Variants in RFTN2 observed in about 807,000 individuals in gnomAD.
The protein encoded by RFTN2 is raftlin family member 2, also known as raftlin-2.
A neutral mutation model predicts 52.7 loss-of-function variants in RFTN2; 34 were observed. The observed-to-expected ratio is 0.64, with a 90% CI of 0.49 to 0.86. RFTN2 has a LOEUF of 0.86. Ranked by LOEUF, RFTN2 falls within the 40% of genes least tolerant of loss-of-function variation. The pLI, the probability that RFTN2 is intolerant of heterozygous loss-of-function variation, is 0.00. For synonymous variants in RFTN2, 203 were observed against 217.7 expected (o/e 0.93, Z 0.59); for missense variants, 536 against 600.1 (o/e 0.89, Z 1.12).
rs187504475 is a variant in RFTN2, at chr2:197,587,625, A to T, written c.1233+8366T>A. Among the ~76,000 whole-genome samples the T allele has an allele frequency of 4.7e-3, 709 of 151,112 alleles. 6 individuals carry two copies. The highest frequency in any genetic ancestry group is 6.4e-3 in the Non-Finnish European group (431 of 67,838). On this transcript the variant is annotated intron_variant, in intron 8 of 8. Coordinates refer to ENST00000295049, the MANE Select transcript of RFTN2 (RefSeq NM_144629.3). ...GCCCTACCCCTTTCTCCCTTCGCTG[A>T]CTCTCTTTTTGGACTCAGCCCGCCT...
intron 4 of RFTN2, 21 bp from the exon 5 acceptor site, chr2:197,631,241 A>AAAAGGGG (rs756351387): frequency 6.5e-7 from 1 of 1,529,828 alleles, no homozygotes; most frequent in South Asian, 1.2e-5. Context: ...AGAAGGAGAA[A>AAAAGGGG]AAAGGGGAAA....
At chr2:197,675,161 A>C (rs1037531387) in intron 1 of RFTN2, among the ~76,000 whole-genome samples, 159 bp downstream of exon 1, 16 of 152,224 alleles carry the variant, frequency 1.1e-4, no homozygotes, top group Non-Finnish European at 2.1e-4. Context: ...TCAACAAAAC[A>C]AAAATCTTAC....
chr2:197,631,125 T>C lies in RFTN2; in HGVS notation c.814A>G (p.Arg272Gly), dbSNP rs1351739124. Residue 272 changes from arginine to glycine, a missense_variant, in exon 5 of 9, where the codon AGA becomes GGA. Transcript: ENST00000295049. The part of the protein sequence containing the change: ...QEGILSMKVT[R>G]KGSVISTLDA... Reference sequence around the variant, plus strand: ...AGTGTACTAATGACTGATCCTTTTCTTGTTACTTTCATTGACAGGATGCCT... The same window carrying C: ...AGTGTACTAATGACTGATCCTTTTCCTGTTACTTTCATTGACAGGATGCCT... 1.2e-6 allele frequency: 2 copies of C among 1,613,422 alleles called. No individual in the cohort carries two copies. Among genetic ancestry groups the C allele is most frequent in the Non-Finnish European group, 1.7e-6 (2 of 1,179,440 alleles).
intron 5 of RFTN2, among the ~76,000 whole-genome samples, chr2:197,623,563 C>G: frequency 6.6e-6 from 1 of 152,200 alleles, no homozygotes; most frequent in Non-Finnish European, 1.5e-5. Flanking sequence ...ACTGCAACCT[C>G]CACTTCCCAG....
At chr2:197,590,680 C>T (rs917232941) in intron 8 of RFTN2, among the ~76,000 whole-genome samples, 2 of 152,136 alleles carry the variant, frequency 1.3e-5, no homozygotes, top group Admixed American at 6.5e-5. Context: ...TTCGGAGTTT[C>T]TTCCTTCTGG....
At chr2:197,609,203 C>T (rs561938554) in intron 7 of RFTN2, among the ~76,000 whole-genome samples, 2 of 152,276 alleles carry the variant, frequency 1.3e-5, no homozygotes, top group East Asian at 1.9e-4. Context: ...CTTGAGGAAT[C>T]GCCACACTGT....
chr2:197,671,089 A>C (rs989483925), intron 1 of RFTN2, among the ~76,000 whole-genome samples: 1 of 151,706 alleles, frequency 6.6e-6, no homozygotes, highest in Non-Finnish European at 1.5e-5. Flanking sequence ...TTCTTAAAAC[A>C]CTCTTCTGCA....
chr2:197,627,656 T>C (rs1475508270), intron 5 of RFTN2, among the ~76,000 whole-genome samples: 2 of 152,154 alleles, frequency 1.3e-5, no homozygotes, highest in Admixed American at 6.6e-5. Flanking sequence ...AGATGTGGTA[T>C]CCTAAGGTGG....
intron 5 of RFTN2, among the ~76,000 whole-genome samples, chr2:197,619,469 G>A (rs1012984173): frequency 6.6e-6 from 1 of 152,004 alleles, no homozygotes; most frequent in African/African-American, 2.4e-5. Flanking sequence ...TCTGAAACAT[G>A]TGCTGTATCC....
chr2:197,603,015 T>C (rs990622921), intron 7 of RFTN2, among the ~76,000 whole-genome samples: 11 of 152,110 alleles, frequency 7.2e-5, no homozygotes, highest in African/African-American at 2.2e-4. Context: ...TAGGTGGGAA[T>C]TGAACAATAA....
At chr2:197,630,568 CAA>C (rs1356811134) in intron 5 of RFTN2, among the ~76,000 whole-genome samples, 1 of 152,062 alleles carries the variant, frequency 6.6e-6, no homozygotes, top group African/African-American at 2.4e-5. Flanking sequence ...CTTTCTAAAC[CAA>C]AGATGATTTT....
At chr2:197,631,558 T>A (rs897392446) in intron 4 of RFTN2, among the ~76,000 whole-genome samples, 5 of 152,214 alleles carry the variant, frequency 3.3e-5, no homozygotes, top group Non-Finnish European at 7.3e-5. Context: ...AAAATTTTTT[T>A]AAAAATGGTA....
Position 197,572,015 on chromosome 2 carries a change from C to A in RFTN2, c.1499G>T (p.Cys500Phe), listed in dbSNP as rs779898267. 1.1e-5 allele frequency: 18 copies of A among 1,613,898 alleles called. No individual in the cohort carries two copies. Among genetic ancestry groups the A allele is most frequent in the East Asian group, 2.2e-5 (1 of 44,906 alleles). Residue 500 changes from cysteine (C) to phenylalanine (F), a missense_variant, in exon 9 of 9, where the codon TGT (cysteine) becomes TTT (phenylalanine). Physicochemically the swap from Cys to Phe is radical, Grantham distance 205. Coordinates refer to ENST00000295049, the MANE Select transcript of RFTN2 (RefSeq NM_144629.3). The stretch of plus-strand genomic sequence containing the variant: ...TTTGCTTCACCTCATGGCTCACATA[C>A]AAGTGACCTGAGTCACTCCATCTTC... ...DQEDGVTQVTCM is the reference protein window; with the variant it reads ...DQEDGVTQVTFM
Position 197,571,034 on chromosome 2 carries a change from A to G in RFTN2, c.*974T>C, listed in dbSNP as rs2087309112. The G allele has an allele frequency of 6.6e-6, 1 of 152,350 alleles. No homozygotes were observed. Among genetic ancestry groups the G allele is most frequent in the South Asian group, 2.1e-4 (1 of 4,836 alleles). The allele number at this position is 152,350 out of a possible 1,614,324, so 9.4% of individuals were successfully genotyped here. A position where few individuals can be genotyped will look rare whatever the true frequency, so the allele number is the denominator to read the frequency against. Reference sequence around the variant, plus strand: ...CCACCTCTATTAGAAGGGGAAAGAAAAGCAAGATGAAACAAAATATGTTAT... The same window carrying G: ...CCACCTCTATTAGAAGGGGAAAGAAGAGCAAGATGAAACAAAATATGTTAT... On this transcript the variant is annotated 3_prime_UTR_variant, in exon 9 of 9. Coordinates refer to ENST00000295049, the MANE Select transcript of RFTN2 (RefSeq NM_144629.3).
intron 8 of RFTN2, among the ~76,000 whole-genome samples, chr2:197,574,779 G>T (rs1021027912): frequency 6.6e-6 from 1 of 152,080 alleles, no homozygotes; most frequent in Non-Finnish European, 1.5e-5. Context: ...GAAGCAGGAG[G>T]ATCACTTGAA....
At chr2:197,586,953 C>G (rs565867110) in intron 8 of RFTN2, among the ~76,000 whole-genome samples, 1 of 152,310 alleles carries the variant, frequency 6.6e-6, no homozygotes, top group East Asian at 1.9e-4. Context: ...CCAAAACTCT[C>G]CAACCAAGCA....
chr2:197,580,682 A>G (rs2087491038), intron 8 of RFTN2, among the ~76,000 whole-genome samples: 1 of 152,172 alleles, frequency 6.6e-6, no homozygotes, highest in Non-Finnish European at 1.5e-5. Context: ...CCTCTTCTTA[A>G]TCAATATGGA....
At chr2:197,591,507 A>C (rs965859653) in intron 8 of RFTN2, among the ~76,000 whole-genome samples, 5 of 152,182 alleles carry the variant, frequency 3.3e-5, no homozygotes, top group African/African-American at 4.8e-5. Context: ...TGGATACTGC[A>C]CTGGGGCGGC....
At position 197,569,814 on chromosome 2, in the gene RFTN2, AG is replaced by A. The variant is rs1389166588; in HGVS notation, c.*2193del. 1.3e-5 allele frequency: 2 copies of A among 150,956 alleles called. No homozygotes were observed. The highest frequency in any genetic ancestry group is 4.9e-5 in the African/African-American group (2 of 41,036). The allele number at this position is 150,956 out of a possible 1,614,324, so 9.4% of individuals were successfully genotyped here. On this transcript the variant is annotated 3_prime_UTR_variant, in exon 9 of 9. Transcript: ENST00000295049. ...AAAACTTAGCCAGGCATGGTGGTGC[AG>A]GCCTGTAATCCCTGCTACTCAGGAG...
Sources: allele counts gnomAD v4.1 joint callset (sites outside exome capture counted in the v4.1 genomes callset), GRCh38; gene constraint gnomAD v4.1.1; transcripts MANE v1.5; gene names NCBI Gene and HGNC (gene_info 2026-07-23, HGNC 2026-07-21).